Variants in GAD2 observed in about 807,000 individuals in gnomAD.
GAD2 encodes the protein glutamate decarboxylase 2.
A neutral mutation model predicts 80.1 loss-of-function variants in GAD2; 22 were observed. That is an observed-to-expected ratio of 0.27 (90% CI 0.20 to 0.39). GAD2 has a LOEUF of 0.39. Among genes scored for constraint, GAD2 ranks in the 10% least tolerant of loss-of-function variants. The pLI is 1.00. For missense variants in GAD2, 624 were observed against 738.4 expected, an observed-to-expected ratio of 0.85 and a Z score of 1.80; for synonymous variants, 274 against 256.9, an observed-to-expected ratio of 1.07 and a Z score of -0.64.
intron 7 of GAD2, among the ~76,000 whole-genome samples, chr10:26,241,778 G>A (rs190707609): frequency 8.4e-4 from 128 of 152,202 alleles, no homozygotes; most frequent in African/African-American, 3.0e-3. Flanking sequence ...GCATTGAGGG[G>A]AAGAGGGCCT....
chr10:26,218,051 C>T, intron 3 of GAD2, 60 bp downstream of exon 3: 1 of 1,505,106 alleles, frequency 6.6e-7, no homozygotes, highest in Non-Finnish European at 8.9e-7. Flanking sequence ...CCGCCCACCG[C>T]GGCCGGTGCG....
At chr10:26,295,691 A>G (rs1295286141) in intron 15 of GAD2, among the ~76,000 whole-genome samples, 1 of 152,192 alleles carries the variant, frequency 6.6e-6, no homozygotes, top group Non-Finnish European at 1.5e-5. Flanking sequence ...CACACTAGCC[A>G]CATTTCAGTC....
At position 26,301,188 on chromosome 10, in the gene GAD2, T is replaced by C; in HGVS notation, c.*227T>C. ...TGACAAAAGGCTATGTTCTAATCAATAAGGAAAAGCTTAAAATTGTTATAA... is the reference window on the plus strand; with the variant it reads ...TGACAAAAGGCTATGTTCTAATCAACAAGGAAAAGCTTAAAATTGTTATAA... On this transcript the variant is annotated 3_prime_UTR_variant, in exon 16 of 16. Coordinates refer to ENST00000376261, the MANE Select transcript of GAD2 (RefSeq NM_001134366.2). 2.1e-6 allele frequency: 1 copy of C among 470,640 alleles called. No individual in the cohort carries two copies. Among genetic ancestry groups the C allele is most frequent in the Non-Finnish European group, 3.8e-6 (1 of 260,572 alleles). 29.2% of individuals were successfully genotyped at this position (470,640 alleles called of 1,614,324 possible). A position where few individuals can be genotyped will look rare whatever the true frequency, so the allele number is the denominator to read the frequency against.
At position 26,255,826 on chromosome 10, in the gene GAD2, T is replaced by A. The variant is rs540270843; in HGVS notation, c.920+9826T>A. 9.9e-4 allele frequency among the ~76,000 whole-genome samples: 151 copies of A among 152,144 alleles called. 1 individual carries two copies. Among genetic ancestry groups the A allele is most frequent in the Non-Finnish European group, 1.9e-3 (131 of 68,024 alleles). ...AAGCTCACACAAACTCTGAAATTAT[T>A]TCAAATCCTAAAATTGGAAGGAAAC... is the stretch of plus-strand genomic sequence containing the variant. On this transcript the variant is annotated intron_variant, in intron 8 of 15. Transcript: ENST00000376261.
chr10:26,272,543 G>A (rs1003136308), intron 10 of GAD2, among the ~76,000 whole-genome samples: 2 of 122,316 alleles, frequency 1.6e-5, no homozygotes, highest in South Asian at 2.3e-4. Flanking sequence ...AATAGTACAC[G>A]TTTGGAAAAT....
intron 8 of GAD2, among the ~76,000 whole-genome samples, chr10:26,260,647 T>G (rs542030193): frequency 6.6e-6 from 1 of 152,072 alleles, no homozygotes; most frequent in African/African-American, 2.4e-5. Flanking sequence ...AAAAAAACTT[T>G]CCAGACGTAG....
intron 11 of GAD2, among the ~76,000 whole-genome samples, chr10:26,277,498 A>G (rs1999241): frequency 0.43 from 65,712 of 152,136 alleles, 18,416 homozygotes; most frequent in African/African-American, 0.81. Context: ...TTTGAGCAGA[A>G]GTGCAATGTG....
chr10:26,295,508 G>GCACACACACACACACACACACACACA (rs61216190), intron 15 of GAD2, among the ~76,000 whole-genome samples: 26 of 133,896 alleles, frequency 1.9e-4, no homozygotes, highest in African/African-American at 5.1e-4. Context: ...TCATACGCAT[G>GCACACACACACACACACACACACACA]CACACACACA....
chr10:26,295,508 G>GCA (rs61216190), intron 15 of GAD2, among the ~76,000 whole-genome samples: 18,259 of 133,774 alleles, frequency 0.14, 1,221 homozygotes, highest in African/African-American at 0.16. Context: ...TCATACGCAT[G>GCA]CACACACACA....
intron 7 of GAD2, among the ~76,000 whole-genome samples, chr10:26,230,131 A>G (rs8190635): frequency 0.22 from 33,342 of 151,884 alleles, 7,112 homozygotes; most frequent in African/African-American, 0.56. Context: ...TTGCACCACC[A>G]CACTCCAGCC....
intron 11 of GAD2, among the ~76,000 whole-genome samples, chr10:26,275,363 T>TA (rs1845188184): frequency 6.6e-6 from 1 of 152,214 alleles, no homozygotes; most frequent in African/African-American, 2.4e-5. Context: ...CTAAATTACC[T>TA]ACCCTGAGCC....
chr10:26,255,433 G>C (rs578235190), intron 8 of GAD2, among the ~76,000 whole-genome samples: 1 of 152,214 alleles, frequency 6.6e-6, no homozygotes, highest in Admixed American at 6.5e-5. Flanking sequence ...ACTAATACAG[G>C]CAAGGTCCAG....
intron 8 of GAD2, among the ~76,000 whole-genome samples, chr10:26,261,927 G>A (rs1361255790): frequency 6.6e-6 from 1 of 152,088 alleles, no homozygotes; most frequent in African/African-American, 2.4e-5. Context: ...GGATTTCCTA[G>A]TAGTACACAC....
At chr10:26,279,896 C>A (rs1009360244) in intron 11 of GAD2, among the ~76,000 whole-genome samples, 1 of 152,180 alleles carries the variant, frequency 6.6e-6, no homozygotes, top group African/African-American at 2.4e-5. Context: ...TTGCCAGAAG[C>A]TACTACAAAA....
chr10:26,279,268 T>A (rs1845246351), intron 11 of GAD2, among the ~76,000 whole-genome samples: 1 of 151,990 alleles, frequency 6.6e-6, no homozygotes, highest in South Asian at 2.1e-4. Context: ...ACTGAAAGAA[T>A]CTGGGGCCTT....
chr10:26,254,938 C>A (rs766158976), intron 8 of GAD2, among the ~76,000 whole-genome samples: 16 of 152,352 alleles, frequency 1.1e-4, no homozygotes, highest in Non-Finnish European at 2.1e-4. Flanking sequence ...CGTTGCTATT[C>A]TCTGAGATAA....
At chr10:26,216,622 TACACACACGC>T (rs1844374173), upstream of GAD2, 2 of 460,150 alleles carry the variant, frequency 4.3e-6, no homozygotes, top group Non-Finnish European at 7.6e-6. The surrounding 1 kb of genome is among the most constrained non-coding windows in gnomAD (Gnocchi z 4.7). Context: ...CCAGCTCGCA[TACACACACGC>T]ACAGACACGC....
chr10:26,255,156 A>G (rs1844928226), intron 8 of GAD2, among the ~76,000 whole-genome samples: 1 of 152,220 alleles, frequency 6.6e-6, no homozygotes, highest in Non-Finnish European at 1.5e-5. Context: ...AGAGCAGCCT[A>G]CAAAGGAGAT....
At chr10:26,229,805 A>G (rs200087619) in intron 7 of GAD2, 28 bp downstream of exon 7, 5 of 1,532,554 alleles carry the variant, frequency 3.3e-6, no homozygotes, top group East Asian at 4.5e-5. Context: ...TTGCAAGTTT[A>G]AGGTTATGTT....
Sources: allele counts gnomAD v4.1 joint callset (sites outside exome capture counted in the v4.1 genomes callset), GRCh38; gene constraint gnomAD v4.1.1; non-coding constraint Gnocchi (gnomAD v3.1); transcripts MANE v1.5; gene names NCBI Gene and HGNC (gene_info 2026-07-23, HGNC 2026-07-21).